Variants in CSGALNACT1 observed in about 807,000 individuals in gnomAD.
CSGALNACT1 encodes chondroitin sulfate N-acetylgalactosaminyltransferase 1, also known as beta4GalNAcT-1.
A neutral mutation model predicts 51.0 loss-of-function variants in CSGALNACT1; 52 were observed. The ratio of observed to expected loss-of-function variants is 1.02; its 90% CI spans 0.82 to 1.29. CSGALNACT1 has a LOEUF of 1.29. CSGALNACT1 is among the 50% of genes most tolerant of loss of function. The pLI is 0.00. For synonymous variants in CSGALNACT1, 341 were observed against 254.4 expected, an observed-to-expected ratio of 1.34 and a Z score of -3.24; for missense variants, 935 against 679.2, an observed-to-expected ratio of 1.38 and a Z score of -4.19.
intron 3 of CSGALNACT1, among the ~76,000 whole-genome samples, chr8:19,517,039 G>T (rs1006928254): frequency 5.3e-5 from 8 of 152,216 alleles, no homozygotes; most frequent in African/African-American, 1.7e-4. Context: ...ATATGTGGGT[G>T]TAAGACGCCA....
intron 1 of CSGALNACT1, among the ~76,000 whole-genome samples, chr8:19,730,173 A>G (rs1419996447): frequency 1.3e-5 from 2 of 152,212 alleles, no homozygotes; most frequent in Non-Finnish European, 2.9e-5. Flanking sequence ...TGAGAAATGC[A>G]AAGTCAAAAT....
intron 8 of CSGALNACT1, among the ~76,000 whole-genome samples, chr8:19,416,067 A>G (rs2056804587): frequency 6.6e-6 from 1 of 150,812 alleles, no homozygotes; most frequent in African/African-American, 2.4e-5. Flanking sequence ...GATGGTGATC[A>G]CCCAGGAAGG....
At chr8:19,701,153 G>GTTGTTTTTTT (rs1554812743) in intron 1 of CSGALNACT1, among the ~76,000 whole-genome samples, 1 of 93,280 alleles carries the variant, frequency 1.1e-5, no homozygotes, top group African/African-American at 4.1e-5. Context: ...TCTATTATCC[G>GTTGTTTTTTT]TTTTTTTTTT....
In CSGALNACT1 at chr8:19,558,139, A is replaced by G. The variant is rs564128186; in HGVS notation, c.-297+33021T>C. On this transcript the variant is annotated intron_variant, in intron 3 of 9. Coordinates refer to ENST00000454498, the Ensembl canonical transcript of CSGALNACT1. ...CTATTTCCTGAATCAGCTGATCACC[A>G]CCACAGAATGTTGTGAAGCTACCAT... Among the ~76,000 whole-genome samples the G allele has an allele frequency of 1.6e-4, 24 of 152,298 alleles. 1 individual carries two copies. In the South Asian group the frequency reaches 5.0e-3, roughly 32 times the overall value.
chr8:19,666,147 T>A (rs1242743360), intron 1 of CSGALNACT1, among the ~76,000 whole-genome samples: 1 of 152,118 alleles, frequency 6.6e-6, no homozygotes, highest in Non-Finnish European at 1.5e-5. Flanking sequence ...GAAAGGAGGG[T>A]GCTCCACGGA....
At chr8:19,425,734 C>G (rs1186968715) in intron 6 of CSGALNACT1, among the ~76,000 whole-genome samples, 1 of 152,208 alleles carries the variant, frequency 6.6e-6, no homozygotes, top group Non-Finnish European at 1.5e-5. Flanking sequence ...CTCGGATAGA[C>G]TGAGCCTTCC....
intron 1 of CSGALNACT1, among the ~76,000 whole-genome samples, chr8:19,630,843 CA>C (rs142930303): frequency 0.078 from 11,802 of 152,054 alleles, 496 homozygotes; most frequent in Middle Eastern, 0.11. Flanking sequence ...TTAGGGTTAC[CA>C]AAAAAGTGAT....
intron 1 of CSGALNACT1, among the ~76,000 whole-genome samples, chr8:19,636,805 A>G (rs768215338): frequency 2.0e-5 from 3 of 152,180 alleles, no homozygotes; most frequent in Admixed American, 1.3e-4. Flanking sequence ...TACCATTTCA[A>G]TGTGGATGCT....
chr8:19,669,700 C>T (rs1245169159), intron 1 of CSGALNACT1, among the ~76,000 whole-genome samples: 2 of 152,162 alleles, frequency 1.3e-5, no homozygotes, highest in African/African-American at 4.8e-5. Flanking sequence ...GTCTCAAACT[C>T]CTGACCTCCA....
Position 19,507,874 on chromosome 8 carries a change from G to A in CSGALNACT1, c.-296-1744C>T, listed in dbSNP as rs377166015. On this transcript the variant is annotated intron_variant, in intron 3 of 9. Coordinates refer to ENST00000454498, the Ensembl canonical transcript of CSGALNACT1. ...TATCTCCTGACCTTGTGATCCGCCC[G>A]CCTCGGCCTCCCAAAGTGCTGGGAT... is the stretch of plus-strand genomic sequence containing the variant. Among the ~76,000 whole-genome samples, 251 of 152,302 alleles carry A rather than the reference G, an allele frequency of 1.6e-3. 2 individuals are homozygous for A. The highest frequency in any genetic ancestry group is 0.01 in the East Asian group (52 of 5,180).
intron 1 of CSGALNACT1, among the ~76,000 whole-genome samples, chr8:19,645,357 C>T (rs2057167246): frequency 1.3e-5 from 2 of 152,300 alleles, no homozygotes; most frequent in South Asian, 4.1e-4. Context: ...CTGAAGATAA[C>T]AAAAGCTATA....
intron 1 of CSGALNACT1, among the ~76,000 whole-genome samples, chr8:19,641,388 A>T (rs771107794): frequency 1.3e-5 from 2 of 152,058 alleles, no homozygotes; most frequent in Non-Finnish European, 2.9e-5. Flanking sequence ...GATGCCTCCT[A>T]AAAGAGGCTG....
chr8:19,717,831 C>A (rs1050221197), intron 1 of CSGALNACT1, among the ~76,000 whole-genome samples: 3 of 152,098 alleles, frequency 2.0e-5, no homozygotes, highest in Non-Finnish European at 4.4e-5. Flanking sequence ...GGCACTGTAA[C>A]CCTGGTCCAG....
intron 1 of CSGALNACT1, among the ~76,000 whole-genome samples, chr8:19,672,844 T>TA (rs913456582): frequency 1.3e-5 from 2 of 152,094 alleles, no homozygotes; most frequent in Non-Finnish European, 2.9e-5. Context: ...AAAATAAAAA[T>TA]AAAAAAACAG....
chr8:19,699,800 A>G (rs2061764233), intron 1 of CSGALNACT1, among the ~76,000 whole-genome samples: 1 of 152,196 alleles, frequency 6.6e-6, no homozygotes, highest in East Asian at 1.9e-4. Context: ...TGTTCAGTGT[A>G]TTTCATCAAA....
intron 1 of CSGALNACT1, among the ~76,000 whole-genome samples, chr8:19,623,970 G>A (rs557795987): frequency 1.3e-5 from 2 of 152,202 alleles, no homozygotes; most frequent in Non-Finnish European, 2.9e-5. Context: ...GGCAAATGGC[G>A]AAATATTTTA....
chr8:19,590,034 T>C (rs370006416), intron 3 of CSGALNACT1, among the ~76,000 whole-genome samples: 2 of 152,230 alleles, frequency 1.3e-5, no homozygotes, highest in Admixed American at 6.5e-5. Flanking sequence ...ATATTATAAA[T>C]GAAAGAAAGA....
intron 3 of CSGALNACT1, among the ~76,000 whole-genome samples, chr8:19,585,581 AC>A (rs1445024080): frequency 4.6e-5 from 7 of 151,966 alleles, no homozygotes; most frequent in African/African-American, 1.5e-4. Flanking sequence ...GCTGTGATAC[AC>A]CCCTTTACTA....
Position 19,757,416 on chromosome 8 carries a change from C to A in CSGALNACT1, c.-297+434G>T. 6.6e-6 allele frequency: 1 copy of A among 152,568 alleles called. No homozygotes were observed. Among genetic ancestry groups the A allele is most frequent in the South Asian group, 1.8e-4 (1 of 5,624 alleles). 9.5% of individuals were successfully genotyped at this position (152,568 alleles called of 1,614,324 possible). On this transcript the variant is annotated intron_variant, in intron 1 of 1. Transcript: ENST00000517494. The surrounding 1 kb of genome is among the most constrained non-coding windows in gnomAD (Gnocchi z 4.0). ...GCAGGGTAGGTCCGGCGGGGGCGGC[C>A]AAGGCCGGGCTGGGGTCGCGGTTGG...
Sources: gnomAD v4.1 joint callset for allele counts (sites outside exome capture counted in the v4.1 genomes callset) on GRCh38, gnomAD v4.1.1 for gene constraint, Gnocchi (gnomAD v3.1) non-coding constraint, MANE v1.5 for transcripts, NCBI Gene and HGNC (gene_info 2026-07-23, HGNC 2026-07-21) for gene names.